The following ZNF85 variants were observed in gnomAD, a reference collection of about 807,000 sequenced individuals.
ZNF85 encodes the protein zinc finger protein 85.
Under a neutral mutation model 53.9 loss-of-function variants are expected in ZNF85, and 50 were observed. The observed-to-expected ratio is 0.93, with a 90% CI of 0.74 to 1.17. The LOEUF is 1.17. Ranked by LOEUF, ZNF85 falls within the 50% of genes most tolerant of loss-of-function variation. The pLI is 0.00. For synonymous variants in ZNF85, 225 were observed against 226.1 expected, an observed-to-expected ratio of 1.00 and a Z score of 0.04; for missense variants, 747 against 688.5, an observed-to-expected ratio of 1.08 and a Z score of -0.95.
chr19:20,950,499 G>T lies in ZNF85; in HGVS notation c.*197G>T. ...TCTTTAAATGGTTGTCACACTTTAG[G>T]TAAGATAATTCATATTGGAACAAAC... is the stretch of plus-strand genomic sequence containing the variant. On this transcript the variant is annotated 3_prime_UTR_variant, in exon 4 of 4. Coordinates refer to ENST00000328178, the MANE Select transcript of ZNF85 (RefSeq NM_003429.5). 6.8e-6 allele frequency: 3 copies of T among 443,538 alleles called. No homozygotes were observed. Among genetic ancestry groups the T allele is most frequent in the Non-Finnish European group, 1.2e-5 (3 of 256,688 alleles). 27.5% of individuals were successfully genotyped at this position (443,538 alleles called of 1,614,324 possible).
In ZNF85 at chr19:20,949,016, C is replaced by G. The variant is rs1367971338; in HGVS notation, c.502C>G (p.His168Asp). The G allele has an allele frequency of 1.2e-6, 2 of 1,613,692 alleles. No individual in the cohort carries two copies. Among genetic ancestry groups the G allele is most frequent in the Admixed American group, 3.3e-5 (2 of 59,984 alleles). The change falls in exon 4 of 4, where the codon CAT becomes GAT. Residue 168 changes from histidine to aspartate, a missense_variant. By Grantham distance (81) the His-to-Asp change is moderately conservative. Coordinates refer to ENST00000328178, the MANE Select transcript of ZNF85 (RefSeq NM_003429.5). ...FSNSNRHEIR[H>D]TKKKPFKCTK... The stretch of plus-strand genomic sequence containing the variant: ...AAATTCAAACAGACATGAGATAAGA[C>G]ATACTAAAAAGAAACCTTTCAAATG...
At chr19:20,925,913 C>G (rs1411766853) in intron 1 of ZNF85, among the ~76,000 whole-genome samples, 1 of 152,136 alleles carries the variant, frequency 6.6e-6, no homozygotes, top group East Asian at 1.9e-4. Flanking sequence ...AAAATATTTG[C>G]ACAGGGTGTA....
intron 1 of ZNF85, among the ~76,000 whole-genome samples, chr19:20,929,998 G>A (rs376657751): frequency 9.9e-5 from 15 of 151,600 alleles, no homozygotes; most frequent in South Asian, 4.2e-4. Context: ...GCATGCACCC[G>A]TAATCCCAGT....
intron 1 of ZNF85, among the ~76,000 whole-genome samples, 186 bp from the exon 2 acceptor site, chr19:20,933,838 T>TA (rs549014767): frequency 6.6e-4 from 100 of 152,152 alleles, no homozygotes; most frequent in African/African-American, 2.4e-3. Context: ...ATTTCTGTGT[T>TA]AAAAAAATTA....
At chr19:20,945,967 C>T (rs1973409317) in intron 3 of ZNF85, among the ~76,000 whole-genome samples, 1 of 151,470 alleles carries the variant, frequency 6.6e-6, no homozygotes, top group African/African-American at 2.4e-5. Flanking sequence ...ATGTTTTCAG[C>T]TTTATACTTA....
chr19:20,949,487 C>T lies in ZNF85; in HGVS notation c.973C>T (p.Gln325Ter). Residue 325 changes from glutamine to a stop codon, truncating the protein, a stop_gained, in exon 4 of 4, where the codon CAG (glutamine) becomes TAG (stop). Coordinates refer to ENST00000328178, the MANE Select transcript of ZNF85 (RefSeq NM_003429.5). LOFTEE classifies it high-confidence loss of function. Reference sequence around the variant, plus strand: ...TGAAGAATGTGGCAAAGCCTTTAAGCAGTCCTCAAACCTTACTACACATAA... The same window carrying T: ...TGAAGAATGTGGCAAAGCCTTTAAGTAGTCCTCAAACCTTACTACACATAA... ...KCEECGKAFKQSSNLTTHKII... is the reference protein window; with the variant it reads ...KCEECGKAFK 6.2e-7 allele frequency: 1 copy of T among 1,613,274 alleles called. No homozygotes were observed. Among genetic ancestry groups the T allele is most frequent in the Non-Finnish European group, 8.5e-7 (1 of 1,179,666 alleles).
At chr19:20,942,091 A>G (rs977803456) in intron 3 of ZNF85, among the ~76,000 whole-genome samples, 17 of 148,862 alleles carry the variant, frequency 1.1e-4, no homozygotes, top group African/African-American at 4.2e-4. Context: ...TGTGCTCTCT[A>G]CTCTGTTCTT....
At chr19:20,925,282 C>T (rs1478073178) in intron 1 of ZNF85, among the ~76,000 whole-genome samples, 1 of 151,906 alleles carries the variant, frequency 6.6e-6, no homozygotes, top group Admixed American at 6.6e-5. Flanking sequence ...TATGGTGAAA[C>T]CCCATCTCTA....
At chr19:20,948,670 TA>T in intron 3 of ZNF85, 73 bp from the exon 4 acceptor site, 1 of 1,164,648 alleles carries the variant, frequency 8.6e-7, no homozygotes, top group East Asian at 2.4e-5. Context: ...TGTTTAATTT[TA>T]TATATTACAT....
At chr19:20,925,901 CAA>C (rs1466310125) in intron 1 of ZNF85, among the ~76,000 whole-genome samples, 4 of 152,082 alleles carry the variant, frequency 2.6e-5, no homozygotes, top group Admixed American at 2.6e-4. Flanking sequence ...TTAAAAGGCA[CAA>C]AAATATTTGC....
chr19:20,935,943 A>T (rs959300767), intron 3 of ZNF85, among the ~76,000 whole-genome samples: 2 of 152,180 alleles, frequency 1.3e-5, no homozygotes, highest in Admixed American at 6.6e-5. Flanking sequence ...ATGCATAGAC[A>T]TAAAATATTT....
chr19:20,946,195 C>G (rs967543228), intron 3 of ZNF85: 3 of 246,004 alleles, frequency 1.2e-5, no homozygotes, highest in African/African-American at 7.0e-5. Context: ...GTATGAACAT[C>G]TTTACAGCAT....
intron 1 of ZNF85, 36 bp downstream of exon 1, chr19:20,923,439 G>A (rs1972803867): frequency 2.5e-6 from 4 of 1,613,850 alleles, no homozygotes; most frequent in African/African-American, 1.3e-5. Flanking sequence ...GAGGGGGAAA[G>A]GGGTTGGTTG....
intron 1 of ZNF85, chr19:20,928,375 T>C (rs1972929289): frequency 6.6e-6 from 1 of 152,294 alleles, no homozygotes; most frequent in Non-Finnish European, 1.5e-5. Context: ...ACTCTGGGTG[T>C]CTGGGAAGGG....
intron 3 of ZNF85, chr19:20,946,296 A>G: frequency 2.5e-6 from 1 of 407,068 alleles, no homozygotes; most frequent in South Asian, 1.9e-5. Flanking sequence ...TTTTGTCCTA[A>G]CAGGTTGTCT....
At chr19:20,947,404 AT>A (rs923896355) in intron 3 of ZNF85, among the ~76,000 whole-genome samples, 1 of 145,282 alleles carries the variant, frequency 6.9e-6, no homozygotes, top group Admixed American at 7.0e-5. Flanking sequence ...AAAGTTATGC[AT>A]TTTTATGTAA....
At chr19:20,937,215 A>G in intron 3 of ZNF85, 2 of 407,474 alleles carry the variant, frequency 4.9e-6, no homozygotes, top group South Asian at 3.5e-5. Context: ...GTATTTTAGT[A>G]GAGACGAAGT....
In ZNF85 at chr19:20,934,138, C is replaced by T; in HGVS notation, c.118C>T (p.Leu40=). 3 of 1,611,846 alleles carry T rather than the reference C, an allele frequency of 1.9e-6. No homozygotes were observed. The highest frequency in any genetic ancestry group is 1.1e-5 in the South Asian group (1 of 90,988). The change falls in exon 2 of 4, where the codon CTG becomes TTG. Residue 40 remains leucine, a synonymous_variant. Transcript: ENST00000328178. ...TGTGATGTTAGAGAACTACAGAAAC[C>T]TGGTCTTCCTGGGTGAGGATAACTT... The part of the protein sequence containing the change: ...RNVMLENYRN[L]VFLGITVSKP...
intron 1 of ZNF85, 75 bp from the exon 2 acceptor site, chr19:20,933,949 T>G: frequency 7.2e-7 from 1 of 1,379,380 alleles, no homozygotes; most frequent in Non-Finnish European, 9.6e-7. Context: ...CATAACCAGT[T>G]GGTAATTATG....
Sources: allele counts gnomAD v4.1 joint callset (sites outside exome capture counted in the v4.1 genomes callset), GRCh38; gene constraint gnomAD v4.1.1; transcripts MANE v1.5; gene names NCBI Gene and HGNC (gene_info 2026-07-23, HGNC 2026-07-21).